KIF15: variants seen among roughly 807,000 people sequenced by gnomAD.
The protein encoded by KIF15 is kinesin family member 15.
In KIF15, 140 loss-of-function variants were observed where a neutral mutation model predicts 190.6. That is an observed-to-expected ratio of 0.73 (90% CI 0.64 to 0.84). The LOEUF (loss-of-function observed/expected upper bound fraction) is 0.84, where lower values mean the gene tolerates loss of function less well. Ranked by LOEUF, KIF15 falls within the 40% of genes least tolerant of loss-of-function variation. KIF15 has a pLI of 0.00. For synonymous variants in KIF15, 528 were observed against 551.3 expected, an observed-to-expected ratio of 0.96 and a Z score of 0.59; for missense variants, 1,372 against 1,584.4, an observed-to-expected ratio of 0.87 and a Z score of 2.28.
Position 44,851,861 on chromosome 3 carries a change from C to T in KIF15, c.3881C>T (p.Thr1294Ile). The stretch of plus-strand genomic sequence containing the variant: ...AGAATGACTGATGAAGTCGAACGAA[C>T]CCAAACTTTGGAGTCTAAAGCATTC... The part of the protein sequence containing the change: ...CLRMTDEVER[T>I]QTLESKAFQE... Residue 1294 changes from threonine (T) to isoleucine (I), a missense_variant, in exon 33 of 35, where the codon ACC becomes ATC. Transcript: ENST00000326047. 1.2e-6 allele frequency: 2 copies of T among 1,613,962 alleles called. No individual in the cohort carries two copies. The highest frequency in any genetic ancestry group is 2.2e-5 in the South Asian group (2 of 91,074).
chr3:44,861,942 G>A, intron 6 of KIF15: 1 of 1,420,582 alleles, frequency 7.0e-7, no homozygotes. Context: ...AGAGGCCGGG[G>A]CCTCCGGGCG....
chr3:44,829,427 AAT>A (rs1174639623), intron 24 of KIF15, among the ~76,000 whole-genome samples: 1 of 139,702 alleles, frequency 7.2e-6, no homozygotes, highest in Non-Finnish European at 1.5e-5. Context: ...ATGTATATAT[AAT>A]ATATATGTAT....
chr3:44,788,466 T>G (rs1434145661), intron 7 of KIF15, among the ~76,000 whole-genome samples: 3 of 152,136 alleles, frequency 2.0e-5, no homozygotes, highest in Admixed American at 6.5e-5. Flanking sequence ...TTTTTCTTTT[T>G]TTTTTGAGAC....
In KIF15 at chr3:44,801,966, C is replaced by T. The variant is rs1002572191; in HGVS notation, c.1501C>T (p.Arg501Ter). Residue 501 changes from arginine to a stop codon, truncating the protein, a stop_gained, in exon 13 of 35, where the codon CGA (arginine) becomes TGA (stop). Transcript: ENST00000326047. LOFTEE classifies it high-confidence loss of function. ...ATTAAGGAATGAGATTCAAACTCTG[C>T]GAGAACAAGTGAGTATACGGCATCT... ...SELRNEIQTL[R>*]EQIEHHPRVA... 4 of 1,606,036 alleles carry T rather than the reference C, an allele frequency of 2.5e-6. No individual in the cohort carries two copies. Among genetic ancestry groups the T allele is most frequent in the African/African-American group, 1.3e-5 (1 of 74,788 alleles).
chr3:44,762,735 A>G (rs988323811), intron 1 of KIF15, among the ~76,000 whole-genome samples: 1 of 151,886 alleles, frequency 6.6e-6, no homozygotes, highest in South Asian at 2.1e-4. Context: ...GTCGTTTTTG[A>G]TGGGTTTGTT....
chr3:44,815,921 T>C lies in KIF15; in HGVS notation c.2549+845T>C, dbSNP rs183213362. On this transcript the variant is annotated intron_variant, in intron 20 of 34. Transcript: ENST00000326047. ...GCCTTGAGTTTAATTTTTGTAGATG[T>C]TACAAAGATTAAAATCTGTAGCTGT... Among the ~76,000 whole-genome samples the C allele has an allele frequency of 3.0e-4, 46 of 152,342 alleles. No homozygotes were observed. In the Middle Eastern group the frequency reaches 0.01, roughly 34 times the overall value.
At chr3:44,852,493 C>T (rs1289264640) in intron 34 of KIF15, among the ~76,000 whole-genome samples, 154 bp downstream of exon 34, 1 of 151,232 alleles carries the variant, frequency 6.6e-6, no homozygotes, top group Non-Finnish European at 1.5e-5. Context: ...CGTTGCTATT[C>T]TGAGCCTAAT....
intron 1 of KIF15, among the ~76,000 whole-genome samples, chr3:44,764,699 T>C (rs751258942): frequency 2.0e-5 from 3 of 151,084 alleles, no homozygotes; most frequent in Non-Finnish European, 2.9e-5. Flanking sequence ...AGTGCAGGGG[T>C]GCGATCTTGG....
At chr3:44,776,785 T>C (rs1272366969) in intron 3 of KIF15, among the ~76,000 whole-genome samples, 1 of 152,224 alleles carries the variant, frequency 6.6e-6, no homozygotes, top group African/African-American at 2.4e-5. Flanking sequence ...CAATAGCCTC[T>C]AGCCAAATGT....
intron 16 of KIF15, among the ~76,000 whole-genome samples, chr3:44,810,025 C>T (rs1707718904): frequency 6.6e-6 from 1 of 152,148 alleles, no homozygotes; most frequent in East Asian, 1.9e-4. Flanking sequence ...CAAGATTACA[C>T]CACTGCACTC....
intron 7 of KIF15, among the ~76,000 whole-genome samples, chr3:44,791,096 T>C (rs1188461244): frequency 6.6e-6 from 1 of 152,204 alleles, no homozygotes; most frequent in Non-Finnish European, 1.5e-5. Context: ...ACTATATGAT[T>C]GTTGATATTC....
chr3:44,831,610 ATT>A (rs1698076014), intron 26 of KIF15, among the ~76,000 whole-genome samples: 1 of 152,080 alleles, frequency 6.6e-6, no homozygotes, highest in Non-Finnish European at 1.5e-5. Flanking sequence ...TTTGATGTAG[ATT>A]TATCTTTTTA....
intron 32 of KIF15, among the ~76,000 whole-genome samples, chr3:44,850,245 G>A (rs1298701974): frequency 6.6e-6 from 1 of 152,132 alleles, no homozygotes; most frequent in Non-Finnish European, 1.5e-5. Context: ...TTGCTTCATA[G>A]AATCAGAGTA....
At chr3:44,771,769 T>C (rs796396300) in intron 1 of KIF15, among the ~76,000 whole-genome samples, 177 of 152,364 alleles carry the variant, frequency 1.2e-3, no homozygotes, top group African/African-American at 3.7e-3. Flanking sequence ...ATGCTCAATT[T>C]ATGGAAAAGC....
At chr3:44,848,798 G>T (rs77551402) in intron 32 of KIF15, among the ~76,000 whole-genome samples, 1 of 152,116 alleles carries the variant, frequency 6.6e-6, no homozygotes, top group Non-Finnish European at 1.5e-5. Context: ...TTGAGGAATC[G>T]ATGGGGCTTT....
At position 44,801,874 on chromosome 3, in the gene KIF15, T is replaced by C; in HGVS notation, c.1409T>C (p.Leu470Ser). The C allele has an allele frequency of 6.2e-7, 1 of 1,613,284 alleles. No homozygotes were observed. The highest frequency in any genetic ancestry group is 8.5e-7 in the Non-Finnish European group (1 of 1,179,336). ...VKFREDQIIR[L>S]EKLHKESRGG... ...TTCCGAGAGGATCAAATAATACGCT[T>C]GGAAAAGCTCCACAAGGAATCCCGG... is the stretch of plus-strand genomic sequence containing the variant. Residue 470 changes from leucine to serine, a missense_variant, in exon 13 of 35, where the codon TTG becomes TCG. Physicochemically the swap from Leu to Ser is moderately radical, Grantham distance 145. Coordinates refer to ENST00000326047, the MANE Select transcript of KIF15 (RefSeq NM_020242.3).
chr3:44,833,237 C>T (rs1698156187), intron 26 of KIF15, among the ~76,000 whole-genome samples: 5 of 151,998 alleles, frequency 3.3e-5, no homozygotes, highest in African/African-American at 1.2e-4. Flanking sequence ...TTTTTGGCAC[C>T]AGGGACCAGT....
intron 13 of KIF15, among the ~76,000 whole-genome samples, chr3:44,802,562 A>C (rs898302591): frequency 2.0e-5 from 3 of 152,158 alleles, no homozygotes; most frequent in African/African-American, 7.2e-5. Context: ...GCCACAATGT[A>C]CACCCTTGTG....
At chr3:44,806,996 G>C (rs894552832) in intron 16 of KIF15, among the ~76,000 whole-genome samples, 1 of 151,792 alleles carries the variant, frequency 6.6e-6, no homozygotes, top group Non-Finnish European at 1.5e-5. Flanking sequence ...TGCCTGCCTC[G>C]GCCTCCCAAA....
Sources: gnomAD v4.1 joint callset for allele counts (sites outside exome capture counted in the v4.1 genomes callset) on GRCh38, gnomAD v4.1.1 for gene constraint, MANE v1.5 for transcripts, NCBI Gene and HGNC (gene_info 2026-07-23, HGNC 2026-07-21) for gene names.